Variants in METAP2 observed in about 807,000 individuals in gnomAD.
METAP2 encodes methionyl aminopeptidase 2, also known as methionine aminopeptidase 2.
A neutral mutation model predicts 59.4 loss-of-function variants in METAP2; 25 were observed. The observed-to-expected ratio is 0.42, with a 90% CI of 0.31 to 0.59. METAP2 has a LOEUF of 0.59. METAP2 is among the 20% of genes least tolerant of loss of function. The pLI is 0.16. For synonymous variants in METAP2, 214 were observed against 194.1 expected (o/e 1.10, Z -0.85); for missense variants, 366 against 581.2 (o/e 0.63, Z 3.81).
At chr12:95,500,355 A>G (rs1488360082) in intron 7 of METAP2, among the ~76,000 whole-genome samples, 1 of 152,152 alleles carries the variant, frequency 6.6e-6, no homozygotes, top group Non-Finnish European at 1.5e-5. Context: ...GTGAACAGAG[A>G]TAGTTTTACT....
chr12:95,498,819 G>GC (rs1367408482), intron 7 of METAP2, among the ~76,000 whole-genome samples: 1 of 151,960 alleles, frequency 6.6e-6, no homozygotes, highest in Non-Finnish European at 1.5e-5. Flanking sequence ...TTAAAGTCTA[G>GC]CCTGGGTAAG....
chr12:95,494,887 A>G lies in METAP2; in HGVS notation c.591-70A>G, dbSNP rs879664978. On this transcript the variant is annotated intron_variant, in intron 5 of 10. Transcript: ENST00000323666. ...TTAGTAAACTTTCTGGACTTGATGA[A>G]CTATATGGTATTAATATATAAAAGT... The G allele has an allele frequency of 2.0e-5, 25 of 1,271,468 alleles. No individual in the cohort carries two copies. The Admixed American group carries it at 4.3e-4, about 22-fold the overall frequency. 78.8% of individuals were successfully genotyped at this position (1,271,468 alleles called of 1,614,324 possible).
chr12:95,481,092 A>G (rs1411715826), intron 2 of METAP2, among the ~76,000 whole-genome samples: 2 of 152,182 alleles, frequency 1.3e-5, no homozygotes, highest in African/African-American at 4.8e-5. Flanking sequence ...TTGTCATTCA[A>G]CAGATATCAA....
intron 7 of METAP2, among the ~76,000 whole-genome samples, chr12:95,503,862 C>G (rs1412069096): frequency 3.3e-5 from 5 of 152,170 alleles, no homozygotes; most frequent in Admixed American, 3.3e-4. Context: ...TGTCAGTGCA[C>G]TTGTTGTCTA....
intron 7 of METAP2, among the ~76,000 whole-genome samples, chr12:95,500,096 G>A (rs2076304318): frequency 6.6e-6 from 1 of 151,770 alleles, no homozygotes; most frequent in Non-Finnish European, 1.5e-5. Context: ...ATGTTTTATA[G>A]TATTCATTGT....
chr12:95,498,263 G>T (rs1385880321), intron 7 of METAP2, among the ~76,000 whole-genome samples: 1 of 152,084 alleles, frequency 6.6e-6, no homozygotes. Context: ...GAGCCACCCT[G>T]CCCAGCTCTT....
At chr12:95,475,579 G>A (rs1469620635) in intron 1 of METAP2, among the ~76,000 whole-genome samples, 1 of 152,174 alleles carries the variant, frequency 6.6e-6, no homozygotes, top group Non-Finnish European at 1.5e-5. Flanking sequence ...CAGGGGCCTG[G>A]TCTTGTGCTT....
In METAP2 at chr12:95,494,174, G is replaced by T; in HGVS notation, c.547G>T (p.Val183Leu). The part of the protein sequence containing the change: ...AEAHRQVRKY[V>L]MSWIKPGMTM... ...AGCACATCGACAAGTTAGAAAATAC[G>T]TAATGAGCTGGATCAAGCCTGGGAT... The change falls in exon 5 of 11, where the codon GTA becomes TTA. Residue 183 changes from valine to leucine, a missense_variant. By Grantham distance (32) the Val-to-Leu change is conservative. Coordinates refer to ENST00000323666, the MANE Select transcript of METAP2 (RefSeq NM_006838.4). 6.2e-7 allele frequency: 1 copy of T among 1,613,988 alleles called. No individual in the cohort carries two copies. Among genetic ancestry groups the T allele is most frequent in the Non-Finnish European group, 8.5e-7 (1 of 1,179,944 alleles).
chr12:95,512,316 A>G (rs1352783856), intron 9 of METAP2, among the ~76,000 whole-genome samples: 137 of 152,262 alleles, frequency 9.0e-4, no homozygotes, highest in African/African-American at 3.2e-3. Flanking sequence ...AAGCAGAAAG[A>G]CCAAAAAGTG....
chr12:95,494,983 A>G lies in METAP2; in HGVS notation c.617A>G (p.Lys206Arg), dbSNP rs756333926. The G allele has an allele frequency of 1.5e-5, 25 of 1,613,240 alleles. No homozygotes were observed. Among genetic ancestry groups the G allele is most frequent in the African/African-American group, 1.3e-5 (1 of 74,888 alleles). ...ICEKLEDCSR[K>R]LIKENGLNAG... ...GAAAAGTTGGAAGACTGTTCACGCA[A>G]GTTAATAAAAGAGAATGGATTAAAT... Residue 206 changes from lysine (K) to arginine (R), a missense_variant, in exon 6 of 11, where the codon AAG becomes AGG. Physicochemically the swap from Lys to Arg is conservative, Grantham distance 26. Transcript: ENST00000323666.
chr12:95,483,520 G>T, intron 3 of METAP2: 2 of 371,716 alleles, frequency 5.4e-6, no homozygotes, highest in Non-Finnish European at 9.7e-6. Context: ...TCACTGACAG[G>T]TTTGAAGAGT....
chr12:95,484,414 A>G (rs1039480123), intron 3 of METAP2, among the ~76,000 whole-genome samples: 2 of 150,780 alleles, frequency 1.3e-5, no homozygotes, highest in Non-Finnish European at 3.0e-5. Flanking sequence ...TCTTTCCATT[A>G]AAAAAAAATT....
chr12:95,485,333 A>C (rs1282593685), intron 3 of METAP2, among the ~76,000 whole-genome samples: 1 of 152,170 alleles, frequency 6.6e-6, no homozygotes, highest in Non-Finnish European at 1.5e-5. Context: ...TTTATGCACA[A>C]TATAAAAGGC....
chr12:95,500,959 A>G (rs1273847808), intron 7 of METAP2, among the ~76,000 whole-genome samples: 2 of 150,384 alleles, frequency 1.3e-5, no homozygotes, highest in African/African-American at 4.9e-5. Flanking sequence ...AATGTTTGGT[A>G]GAATTAACCA....
intron 4 of METAP2, among the ~76,000 whole-genome samples, chr12:95,487,476 T>C (rs2076205828): frequency 6.6e-6 from 1 of 152,146 alleles, no homozygotes; most frequent in Admixed American, 6.5e-5. Context: ...TCGTCAATTG[T>C]CCCTATCTTA....
intron 8 of METAP2, among the ~76,000 whole-genome samples, chr12:95,504,424 A>G (rs1397372032): frequency 6.6e-6 from 1 of 152,210 alleles, no homozygotes; most frequent in Admixed American, 6.5e-5. Context: ...TGACTAGTCA[A>G]ATCAAGGCTG....
intron 4 of METAP2, among the ~76,000 whole-genome samples, chr12:95,488,791 C>G (rs185370631): frequency 6.6e-6 from 1 of 152,058 alleles, no homozygotes; most frequent in Non-Finnish European, 1.5e-5. Flanking sequence ...CTCCACTGAT[C>G]TGTTTCTTCT....
intron 4 of METAP2, among the ~76,000 whole-genome samples, chr12:95,492,154 G>GTGTGTGTGTA: frequency 6.6e-6 from 1 of 151,304 alleles, no homozygotes; most frequent in South Asian, 2.1e-4. Flanking sequence ...GTGTGTGTGT[G>GTGTGTGTGTA]TATGTATATG....
intron 7 of METAP2, among the ~76,000 whole-genome samples, chr12:95,503,507 G>T (rs1008249074): frequency 6.6e-6 from 1 of 152,154 alleles, no homozygotes; most frequent in African/African-American, 2.4e-5. Context: ...CCACAGGGGT[G>T]TGTAAGCGCT....
Sources: allele counts gnomAD v4.1 joint callset (sites outside exome capture counted in the v4.1 genomes callset), GRCh38; gene constraint gnomAD v4.1.1; transcripts MANE v1.5; gene names NCBI Gene and HGNC (gene_info 2026-07-23, HGNC 2026-07-21).